Variants in DLEU7 observed in about 807,000 individuals in gnomAD.
DLEU7 encodes leukemia-associated protein 7.
A neutral mutation model predicts 16.0 loss-of-function variants in DLEU7; 17 were observed. The observed-to-expected ratio is 1.06, with a 90% CI of 0.73 to 1.59. DLEU7 has a LOEUF of 1.59. Ranked by LOEUF, DLEU7 falls within the 40% of genes most tolerant of loss-of-function variation. DLEU7 has a pLI of 0.00. For missense variants in DLEU7, 308 were observed against 314.9 expected (o/e 0.98, Z 0.17); for synonymous variants, 113 against 139.8 (o/e 0.81, Z 1.35).
intron 1 of DLEU7, among the ~76,000 whole-genome samples, chr13:50,785,225 A>G (rs574192919): frequency 6.6e-6 from 1 of 152,342 alleles, no homozygotes; most frequent in East Asian, 1.9e-4. Context: ...TGAGACACAG[A>G]GATGGATGCA....
chr13:50,820,250 GTAAC>G (rs1226242343), downstream of DLEU7, among the ~76,000 whole-genome samples: 1 of 151,912 alleles, frequency 6.6e-6, no homozygotes, highest in East Asian at 1.9e-4. Context: ...AGAATTGTAA[GTAAC>G]TAATTTGGAC....
In DLEU7 at chr13:50,843,126, C is replaced by T; in HGVS notation, c.459+62G>A. The T allele has an allele frequency of 6.8e-7, 1 of 1,475,152 alleles. No homozygotes were observed. Among genetic ancestry groups the T allele is most frequent in the Non-Finnish European group, 9.1e-7 (1 of 1,101,754 alleles). The allele number at this position is 1,475,152 out of a possible 1,614,324, so 91.4% of individuals were successfully genotyped here. ...TCCACCCATCGCCATCCCAGCAGCC[C>T]CACCCTTGGAGGATGGGAGGTTACC... On this transcript the variant is annotated intron_variant, in intron 1 of 1. Transcript: ENST00000504404. This position sits in a 1 kb window ranked among gnomAD's most constrained non-coding sequence, Gnocchi z 5.7.
At chr13:50,833,176 TAGTATTGGA>T (rs1877335137) in intron 1 of DLEU7, among the ~76,000 whole-genome samples, 3 of 152,142 alleles carry the variant, frequency 2.0e-5, no homozygotes, top group Admixed American at 2.0e-4. Context: ...CTATTCAACA[TAGTATTGGA>T]AGTTCTGGCC....
At position 50,835,089 on chromosome 13, in the gene DLEU7, T is replaced by C. The variant is rs190135538; in HGVS notation, c.459+8099A>G. On this transcript the variant is annotated intron_variant, in intron 1 of 1. Transcript: ENST00000504404. Reference sequence around the variant, plus strand: ...GGATAGCATTAGGAGAAATACCTAATGTAGATGATGGGTTGATGGATGCAG... The same window carrying C: ...GGATAGCATTAGGAGAAATACCTAACGTAGATGATGGGTTGATGGATGCAG... Among the ~76,000 whole-genome samples the C allele has an allele frequency of 8.4e-4, 128 of 152,210 alleles. 1 individual carries two copies. In the Middle Eastern group the frequency reaches 0.01, roughly 12 times the overall value.
chr13:50,819,222 T>G (rs905281576), downstream of DLEU7, among the ~76,000 whole-genome samples: 1 of 152,118 alleles, frequency 6.6e-6, no homozygotes, highest in Non-Finnish European at 1.5e-5. Flanking sequence ...GAGACCTCCT[T>G]GAAATAGATG....
intron 1 of DLEU7, among the ~76,000 whole-genome samples, chr13:50,715,153 GC>G (rs1873404829): frequency 6.6e-6 from 1 of 152,188 alleles, no homozygotes; most frequent in Non-Finnish European, 1.5e-5. Flanking sequence ...ACATCTCAGA[GC>G]CAGCGAGAGT....
chr13:50,822,799 A>G (rs1876953891), downstream of DLEU7: 1 of 985,646 alleles, frequency 1.0e-6, no homozygotes, highest in Non-Finnish European at 1.2e-6. Flanking sequence ...ATTGAAGCTC[A>G]TAATTACTGA....
At chr13:50,725,156 C>T (rs768485476) in intron 1 of DLEU7, among the ~76,000 whole-genome samples, 5 of 152,144 alleles carry the variant, frequency 3.3e-5, no homozygotes, top group Admixed American at 6.5e-5. Flanking sequence ...TACCTTGCCT[C>T]CACTGGCCAC....
intron 1 of DLEU7, among the ~76,000 whole-genome samples, chr13:50,782,170 A>T (rs778406171): frequency 1.4e-4 from 21 of 151,760 alleles, no homozygotes; most frequent in Admixed American, 1.3e-4. Context: ...CTAGAAAACC[A>T]CCTCCCTCAC....
chr13:50,753,275 G>A (rs767081307), intron 1 of DLEU7, among the ~76,000 whole-genome samples: 1 of 152,246 alleles, frequency 6.6e-6, no homozygotes, highest in Non-Finnish European at 1.5e-5. Flanking sequence ...GGCTGCAGGT[G>A]GAGCTGCCTG....
In DLEU7 at chr13:50,738,962, T is replaced by TACACAC. The variant is rs55722607; in HGVS notation, c.460-25728_460-25723dup. Among the ~76,000 whole-genome samples, 726 of 144,738 alleles carry TACACAC rather than the reference T, an allele frequency of 5.0e-3. 3 individuals carry two copies. Among genetic ancestry groups the TACACAC allele is most frequent in the East Asian group, 0.01 (47 of 4,630 alleles). The allele number at this position is 144,738 out of a possible 152,430, so 95.0% of individuals were successfully genotyped here. A position where few individuals can be genotyped will look rare whatever the true frequency, so the allele number is the denominator to read the frequency against. On this transcript the variant is annotated intron_variant, in intron 1 of 1. Transcript: ENST00000400393. ...CCAGTGAGCAGCCTCTAAAAAATAA[T>TACACAC]ACACACACACACACACACACACACA...
At chr13:50,719,776 C>T (rs910542800) in intron 1 of DLEU7, 4 of 152,206 alleles carry the variant, frequency 2.6e-5, no homozygotes, top group African/African-American at 9.6e-5. Context: ...CAAGTTAGAA[C>T]TGTCTCACAT....
At chr13:50,755,366 T>C (rs1367043592) in intron 1 of DLEU7, among the ~76,000 whole-genome samples, 1 of 152,202 alleles carries the variant, frequency 6.6e-6, no homozygotes, top group Non-Finnish European at 1.5e-5. Flanking sequence ...CCCAGACTTC[T>C]TGGAGGCTTT....
intron 1 of DLEU7, among the ~76,000 whole-genome samples, chr13:50,834,155 CA>C (rs919616724): frequency 2.6e-5 from 3 of 114,344 alleles, no homozygotes; most frequent in East Asian, 3.9e-4. Context: ...CTAAAACACA[CA>C]AAAAAAATGG....
chr13:50,783,458 C>A (rs1875711905), intron 1 of DLEU7, among the ~76,000 whole-genome samples: 1 of 152,176 alleles, frequency 6.6e-6, no homozygotes, highest in African/African-American at 2.4e-5. Context: ...CCTTGTTGAT[C>A]CCCAAACCAT....
chr13:50,823,922 G>A (rs1566264489), intron 1 of DLEU7, among the ~76,000 whole-genome samples: 1 of 152,214 alleles, frequency 6.6e-6, no homozygotes, highest in East Asian at 1.9e-4. Flanking sequence ...GATTAAAAGA[G>A]CCAGATTCTA....
intron 1 of DLEU7, among the ~76,000 whole-genome samples, chr13:50,784,490 C>A (rs529693441): frequency 6.6e-6 from 1 of 152,202 alleles, no homozygotes; most frequent in African/African-American, 2.4e-5. Flanking sequence ...TGGGAATTTT[C>A]GATCACATTA....
At chr13:50,749,563 C>T (rs2049194673) in intron 1 of DLEU7, among the ~76,000 whole-genome samples, 1 of 152,138 alleles carries the variant, frequency 6.6e-6, no homozygotes, top group Non-Finnish European at 1.5e-5. Flanking sequence ...AGCATGTAGA[C>T]ATGTTCCCTG....
At chr13:50,753,498 G>C (rs536143430) in intron 1 of DLEU7, among the ~76,000 whole-genome samples, 1 of 152,240 alleles carries the variant, frequency 6.6e-6, no homozygotes, top group African/African-American at 2.4e-5. Flanking sequence ...CACAGCACTG[G>C]TGGGCCGGCT....
Sources: gnomAD v4.1 joint callset for allele counts (sites outside exome capture counted in the v4.1 genomes callset) on GRCh38, gnomAD v4.1.1 for gene constraint, Gnocchi (gnomAD v3.1) non-coding constraint, MANE v1.5 for transcripts, NCBI Gene and HGNC (gene_info 2026-07-23, HGNC 2026-07-21) for gene names.